CRACD: variants seen among roughly 807,000 people sequenced by gnomAD.
CRACD encodes the protein capping protein-inhibiting regulator of actin dynamics.
A neutral mutation model predicts 106.8 loss-of-function variants in CRACD; 56 were observed. That is an observed-to-expected ratio of 0.52 (90% CI 0.42 to 0.66). The LOEUF (loss-of-function observed/expected upper bound fraction) is 0.66. Ranked by LOEUF, CRACD falls within the 30% of genes least tolerant of loss-of-function variation. The pLI is 0.00. For missense variants in CRACD, 1,730 were observed against 1,623.2 expected, an observed-to-expected ratio of 1.07 and a Z score of -1.13; for synonymous variants, 754 against 670.8, an observed-to-expected ratio of 1.12 and a Z score of -1.92.
chr4:56,185,595 A>G (rs1334138208), intron 2 of CRACD, among the ~76,000 whole-genome samples: 2 of 152,204 alleles, frequency 1.3e-5, no homozygotes, highest in Non-Finnish European at 2.9e-5. Flanking sequence ...TAGGACCTCC[A>G]AAAAGAAAAC....
chr4:56,082,883 C>T (rs1241464751), intron 1 of CRACD, among the ~76,000 whole-genome samples: 1 of 151,102 alleles, frequency 6.6e-6, no homozygotes, highest in Non-Finnish European at 1.5e-5. Flanking sequence ...AAGAAGGGCC[C>T]ATCAGGAGAA....
At chr4:56,219,289 T>A (rs1222928129) in intron 2 of CRACD, among the ~76,000 whole-genome samples, 2 of 152,206 alleles carry the variant, frequency 1.3e-5, no homozygotes, top group Non-Finnish European at 2.9e-5. Flanking sequence ...GGAAATGGAA[T>A]GGAGATAACT....
In CRACD at chr4:56,315,210, C is replaced by G. The variant is rs1218493555; in HGVS notation, c.1708C>G (p.Pro570Ala). ...AAAGGACACGGGGCTCACCGCTGCT[C>G]CCCAGGAACCAAAGGCCCCCAAAGC... Reference protein sequence around the residue: ...PAKDTGLTAAPQEPKAPKASP... With the variant: ...PAKDTGLTAAAQEPKAPKASP... Residue 570 changes from proline (P) to alanine (A), a missense_variant, in exon 8 of 11, where the codon CCC becomes GCC. Coordinates refer to ENST00000682029, the MANE Select transcript of CRACD (RefSeq NM_001393381.1). This position sits in a 1 kb window ranked among gnomAD's most constrained non-coding sequence, Gnocchi z 4.1. The G allele has an allele frequency of 6.3e-7, 1 of 1,593,626 alleles. No individual in the cohort carries two copies. The highest frequency in any genetic ancestry group is 1.1e-5 in the South Asian group (1 of 88,440).
At chr4:56,293,735 A>G (rs1743829413) in intron 3 of CRACD, among the ~76,000 whole-genome samples, 2 of 152,192 alleles carry the variant, frequency 1.3e-5, no homozygotes, top group African/African-American at 4.8e-5. Context: ...CTCACTCACT[A>G]CCATGAAAAT....
At chr4:56,172,038 A>G (rs1256709852) in intron 1 of CRACD, among the ~76,000 whole-genome samples, 1 of 30,848 alleles carries the variant, frequency 3.2e-5, no homozygotes, top group African/African-American at 1.2e-4. Context: ...TTTTTTTTCA[A>G]CTTTACAGTA....
intron 1 of CRACD, among the ~76,000 whole-genome samples, chr4:56,112,406 G>A (rs951500837): frequency 1.3e-5 from 2 of 152,178 alleles, no homozygotes; most frequent in South Asian, 2.1e-4. Flanking sequence ...TCTAAGCAGC[G>A]GGAGAGAGGT....
chr4:56,228,053 G>A (rs1352570186), intron 2 of CRACD, among the ~76,000 whole-genome samples: 6 of 152,086 alleles, frequency 3.9e-5, no homozygotes, highest in African/African-American at 1.4e-4. Context: ...CCCAATTTCA[G>A]GTCCTAGGCC....
intron 3 of CRACD, 28 bp from the exon 4 acceptor site, chr4:56,298,186 A>C: frequency 1.2e-6 from 2 of 1,600,264 alleles, no homozygotes; most frequent in Non-Finnish European, 1.7e-6. Context: ...TTATCCTAAT[A>C]AAATGAAGCA....
At position 56,315,986 on chromosome 4, in the gene CRACD, A is replaced by G. The variant is rs1745611016; in HGVS notation, c.2484A>G (p.Ile828Met). 2 of 1,614,138 alleles carry G rather than the reference A, an allele frequency of 1.2e-6. No homozygotes were observed. The highest frequency in any genetic ancestry group is 1.7e-6 in the Non-Finnish European group (2 of 1,180,056). Residue 828 changes from isoleucine (I) to methionine (M), a missense_variant, in exon 8 of 11, where the codon ATA (isoleucine) becomes ATG (methionine). This residue lies in a region of CRACD where 1,620 missense variants were observed against 1,481.6 expected (regional missense o/e 1.09). Coordinates refer to ENST00000682029, the MANE Select transcript of CRACD (RefSeq NM_001393381.1). The surrounding 1 kb of genome is among the most constrained non-coding windows in gnomAD (Gnocchi z 4.1). ...CGGACAGCGAGACTGCAAACGGGAT[A>G]GCAAAGCCAGACCCTGTGATGCCAG... ...TSSDSETANG[I>M]AKPDPVMPGG...
chr4:56,084,853 TA>T (rs1217707203), intron 1 of CRACD, among the ~76,000 whole-genome samples: 1 of 152,228 alleles, frequency 6.6e-6, no homozygotes, highest in African/African-American at 2.4e-5. Context: ...TGGAAGTTTC[TA>T]GGTGAGTTTT....
chr4:56,210,469 C>T (rs1738343152), intron 2 of CRACD, among the ~76,000 whole-genome samples: 1 of 152,218 alleles, frequency 6.6e-6, no homozygotes, highest in Non-Finnish European at 1.5e-5. Flanking sequence ...TTTCTTCCCA[C>T]TGTCAATCTC....
chr4:56,125,416 A>G (rs1399219550), intron 1 of CRACD, among the ~76,000 whole-genome samples: 2 of 149,234 alleles, frequency 1.3e-5, no homozygotes, highest in East Asian at 3.9e-4. Context: ...ATTAAAAACA[A>G]TTTTTTTTTT....
chr4:56,212,219 G>A (rs757274901), intron 2 of CRACD, among the ~76,000 whole-genome samples: 22 of 152,156 alleles, frequency 1.4e-4, no homozygotes, highest in Non-Finnish European at 2.9e-4. Context: ...ATTCCCATCA[G>A]CACCATTATA....
intron 1 of CRACD, among the ~76,000 whole-genome samples, chr4:56,084,308 C>T (rs1232450370): frequency 6.6e-6 from 1 of 151,738 alleles, no homozygotes; most frequent in East Asian, 1.9e-4. Flanking sequence ...TCCTTCCTGC[C>T]TTCTCTTCAT....
At chr4:56,071,774 G>C (rs1386956011) in intron 1 of CRACD, among the ~76,000 whole-genome samples, 2 of 150,868 alleles carry the variant, frequency 1.3e-5, no homozygotes, top group Non-Finnish European at 3.0e-5. Context: ...GCCTCCCAAA[G>C]TACTGGGATT....
At chr4:56,067,993 G>C (rs188406070) in intron 1 of CRACD, among the ~76,000 whole-genome samples, 9 of 152,284 alleles carry the variant, frequency 5.9e-5, no homozygotes, top group African/African-American at 2.2e-4. Context: ...AGATGTCCTT[G>C]CCCTCGTGGA....
chr4:56,174,681 T>C (rs867706634), intron 1 of CRACD, among the ~76,000 whole-genome samples: 1 of 152,256 alleles, frequency 6.6e-6, no homozygotes, highest in East Asian at 1.9e-4. Flanking sequence ...TGCATTCATC[T>C]GTTGATGGAC....
chr4:56,313,206 G>A lies in CRACD; in HGVS notation c.364G>A (p.Val122Ile), dbSNP rs1489054487. ...TTAATCTCCCCTACAGGTTGCTCCC[G>A]TTAAACCGTCTCGGCCAAAAAGGCA... is the stretch of plus-strand genomic sequence containing the variant. ...GSEMEEKVAPVKPSRPKRHFS... is the reference protein window; with the variant it reads ...GSEMEEKVAPIKPSRPKRHFS... The change falls in exon 7 of 11, where the codon GTT becomes ATT. Residue 122 changes from valine to isoleucine, a missense_variant. Val to Ile is a conservative substitution (Grantham distance 29). This residue lies in a region of CRACD where 1,620 missense variants were observed against 1,481.6 expected (regional missense o/e 1.09). Coordinates refer to ENST00000682029, the MANE Select transcript of CRACD (RefSeq NM_001393381.1). 3.1e-6 allele frequency: 5 copies of A among 1,613,870 alleles called. No homozygotes were observed. The highest frequency in any genetic ancestry group is 1.1e-5 in the South Asian group (1 of 91,074).
At chr4:56,231,125 CT>C (rs1467579614) in intron 2 of CRACD, among the ~76,000 whole-genome samples, 2 of 152,132 alleles carry the variant, frequency 1.3e-5, no homozygotes, top group Admixed American at 6.5e-5. Flanking sequence ...TACACTTCTT[CT>C]GATTTATTTT....
Sources: allele counts gnomAD v4.1 joint callset (sites outside exome capture counted in the v4.1 genomes callset), GRCh38; gene constraint gnomAD v4.1.1; regional missense constraint gnomAD v4.1.1; non-coding constraint Gnocchi (gnomAD v3.1); transcripts MANE v1.5; gene names NCBI Gene and HGNC (gene_info 2026-07-23, HGNC 2026-07-21).